Variants in CNTNAP2 observed in about 807,000 individuals in gnomAD.
The protein encoded by CNTNAP2 is contactin associated protein 2, also known as contactin-associated protein-like 2.
CNTNAP2 carries 98 observed loss-of-function variants against 155.2 expected under a neutral mutation model. The ratio of observed to expected loss-of-function variants is 0.63; its 90% CI spans 0.54 to 0.75. The LOEUF (loss-of-function observed/expected upper bound fraction) is 0.75. CNTNAP2 is among the 30% of genes least tolerant of loss of function. The pLI, the probability that CNTNAP2 is intolerant of heterozygous loss-of-function variation, is 0.00. For missense variants in CNTNAP2, 1,727 were observed against 1,688.1 expected (o/e 1.02, Z -0.40); for synonymous variants, 651 against 631.2 (o/e 1.03, Z -0.47).
chr7:148,078,485 A>AAT (rs756815997), intron 15 of CNTNAP2, among the ~76,000 whole-genome samples: 8 of 151,634 alleles, frequency 5.3e-5, no homozygotes, highest in South Asian at 2.1e-4. Context: ...ATGATTTGAG[A>AAT]ATATATATAT....
At chr7:146,218,914 G>C (rs1257554626) in intron 1 of CNTNAP2, among the ~76,000 whole-genome samples, 1 of 152,032 alleles carries the variant, frequency 6.6e-6, no homozygotes, top group Non-Finnish European at 1.5e-5. Context: ...CTTGTAATCT[G>C]GAGATGTAAG....
intron 1 of CNTNAP2, among the ~76,000 whole-genome samples, chr7:146,404,994 C>G (rs922275758): frequency 6.6e-6 from 1 of 152,066 alleles, no homozygotes; most frequent in African/African-American, 2.4e-5. Context: ...TTTCTAAGTA[C>G]AGAGTTACTG....
intron 1 of CNTNAP2, among the ~76,000 whole-genome samples, chr7:146,535,819 A>T (rs952300051): frequency 6.6e-6 from 1 of 151,992 alleles, no homozygotes; most frequent in African/African-American, 2.4e-5. Context: ...ATTTATGTCC[A>T]AAAAGTATGT....
At chr7:146,633,190 A>C (rs759563581) in intron 1 of CNTNAP2, among the ~76,000 whole-genome samples, 1 of 152,190 alleles carries the variant, frequency 6.6e-6, no homozygotes, top group Non-Finnish European at 1.5e-5. Flanking sequence ...TTTTCAGACT[A>C]GATGGATTTC....
chr7:146,236,868 A>T (rs957958034), intron 1 of CNTNAP2, among the ~76,000 whole-genome samples: 2 of 151,972 alleles, frequency 1.3e-5, no homozygotes, highest in African/African-American at 4.8e-5. Context: ...TTTTTACCTC[A>T]CAGGAGGGAG....
At chr7:147,938,635 A>G (rs1175378130) in intron 14 of CNTNAP2, among the ~76,000 whole-genome samples, 1 of 152,162 alleles carries the variant, frequency 6.6e-6, no homozygotes, top group East Asian at 1.9e-4. Flanking sequence ...GGGTAACAAA[A>G]GGCAAACCAC....
intron 1 of CNTNAP2, among the ~76,000 whole-genome samples, chr7:146,622,503 C>A (rs1799344151): frequency 6.6e-6 from 1 of 151,918 alleles, no homozygotes; most frequent in Non-Finnish European, 1.5e-5. Context: ...ATATCTGTGT[C>A]TTCATATCTG....
intron 21 of CNTNAP2, among the ~76,000 whole-genome samples, chr7:148,373,508 CATT>C (rs1291156691): frequency 6.6e-6 from 1 of 152,116 alleles, no homozygotes; most frequent in Non-Finnish European, 1.5e-5. Flanking sequence ...ATAAAAAGCA[CATT>C]ATGATAAATG....
Position 146,614,430 on chromosome 7 carries a change from CAT to C in CNTNAP2, c.98-159840_98-159839del, listed in dbSNP as rs1297843991. 1.2e-4 allele frequency among the ~76,000 whole-genome samples: 19 copies of C among 152,218 alleles called. No individual in the cohort carries two copies. The South Asian group carries it at 2.9e-3, about 23-fold the overall frequency. On this transcript the variant is annotated intron_variant, in intron 1 of 23. Transcript: ENST00000361727. ...GAAAATTTTTCAACCTGGCATATAACATGTGTCCACCTTGAATATAACAAATC... is the reference window on the plus strand; with the variant it reads ...GAAAATTTTTCAACCTGGCATATAACGTGTCCACCTTGAATATAACAAATC...
At chr7:146,789,451 A>C (rs978129113) in intron 2 of CNTNAP2, among the ~76,000 whole-genome samples, 1 of 152,128 alleles carries the variant, frequency 6.6e-6, no homozygotes, top group Non-Finnish European at 1.5e-5. Context: ...GTTTTAAATA[A>C]TCTGAAAGTA....
chr7:146,560,014 C>A (rs887806787), intron 1 of CNTNAP2, among the ~76,000 whole-genome samples: 2 of 152,156 alleles, frequency 1.3e-5, no homozygotes, highest in African/African-American at 4.8e-5. Context: ...AATTATCTTT[C>A]ACCAGTTAAA....
Position 146,332,941 on chromosome 7 carries a change from ATTTTTT to A in CNTNAP2, c.97+215986_97+215991del, listed in dbSNP as rs4016094. ...AATTTCTTCTTCTTTTTCTTCTTCTATTTTTTTTTTTTTTTTTTTTTTTGACAGGTC... is the reference window on the plus strand; with the variant it reads ...AATTTCTTCTTCTTTTTCTTCTTCTATTTTTTTTTTTTTTTTTGACAGGTC... On this transcript the variant is annotated intron_variant, in intron 1 of 23. Transcript: ENST00000361727. Among the ~76,000 whole-genome samples the A allele has an allele frequency of 8.7e-3, 893 of 102,458 alleles. 10 individuals are homozygous for A. Among genetic ancestry groups the A allele is most frequent in the African/African-American group, 0.029 (821 of 27,976 alleles). 67.2% of individuals were successfully genotyped at this position (102,458 alleles called of 152,430 possible). A position where few individuals can be genotyped will look rare whatever the true frequency, so the allele number is the denominator to read the frequency against.
chr7:146,903,417 C>G (rs1421034020), intron 3 of CNTNAP2, among the ~76,000 whole-genome samples: 1 of 152,160 alleles, frequency 6.6e-6, no homozygotes, highest in Non-Finnish European at 1.5e-5. Context: ...ATAAGCTCCC[C>G]AAACTTAATA....
At chr7:146,590,517 AT>A (rs539318007) in intron 1 of CNTNAP2, among the ~76,000 whole-genome samples, 364 of 152,282 alleles carry the variant, frequency 2.4e-3, no homozygotes, top group Non-Finnish European at 4.2e-3. Flanking sequence ...CCAACTCTTA[AT>A]GACAGTACAG....
chr7:146,829,056 T>C (rs1253727706), intron 2 of CNTNAP2, among the ~76,000 whole-genome samples: 2 of 152,076 alleles, frequency 1.3e-5, no homozygotes, highest in Admixed American at 1.3e-4. Context: ...AATCTTAGGG[T>C]AATATTTGAC....
chr7:146,935,345 G>A (rs184629477), intron 3 of CNTNAP2, among the ~76,000 whole-genome samples: 27 of 152,300 alleles, frequency 1.8e-4, no homozygotes, highest in African/African-American at 6.5e-4. Context: ...AGACTTATAT[G>A]TAGATAACCT....
At chr7:147,702,850 A>C (rs531916526) in intron 13 of CNTNAP2, among the ~76,000 whole-genome samples, 2 of 152,298 alleles carry the variant, frequency 1.3e-5, no homozygotes, top group East Asian at 3.9e-4. Flanking sequence ...TTTTTAAACA[A>C]GGGTCCTGCA....
At chr7:146,464,100 T>C (rs921281844) in intron 1 of CNTNAP2, among the ~76,000 whole-genome samples, 2 of 152,062 alleles carry the variant, frequency 1.3e-5, no homozygotes, top group African/African-American at 4.8e-5. Flanking sequence ...AAACAAAGCG[T>C]TCATTTTTTG....
chr7:147,770,401 A>G lies in CNTNAP2; in HGVS notation c.2098+131095A>G, dbSNP rs574527161. Among the ~76,000 whole-genome samples the G allele has an allele frequency of 3.3e-5, 5 of 152,346 alleles. No individual in the cohort carries two copies. In the East Asian group the frequency reaches 7.7e-4, roughly 23 times the overall value. On this transcript the variant is annotated intron_variant, in intron 13 of 23. Coordinates refer to ENST00000361727, the MANE Select transcript of CNTNAP2 (RefSeq NM_014141.6). ...AAAAGAGGGAGGAGTGGGGAAATGG[A>G]TAAGATAAACAAGGATTTTTAGTTT... is the stretch of plus-strand genomic sequence containing the variant.
Sources: allele counts gnomAD v4.1 joint callset (sites outside exome capture counted in the v4.1 genomes callset), GRCh38; gene constraint gnomAD v4.1.1; transcripts MANE v1.5; gene names NCBI Gene and HGNC (gene_info 2026-07-23, HGNC 2026-07-21).